TMEM117: variants seen among roughly 807,000 people sequenced by gnomAD.
The protein encoded by TMEM117 is transmembrane protein 117.
A neutral mutation model predicts 52.4 loss-of-function variants in TMEM117; 27 were observed. The observed-to-expected ratio is 0.51, with a 90% confidence interval of 0.38 to 0.71. TMEM117 has a LOEUF of 0.71. Among genes scored for constraint, TMEM117 ranks in the 30% least tolerant of loss-of-function variants. TMEM117 has a pLI of 0.00. For missense variants in TMEM117, 556 were observed against 630.5 expected, an observed-to-expected ratio of 0.88 and a Z score of 1.26; for synonymous variants, 215 against 206.3, an observed-to-expected ratio of 1.04 and a Z score of -0.36.
chr12:44,269,642 T>C (rs1367563920), intron 5 of TMEM117, among the ~76,000 whole-genome samples: 2 of 152,096 alleles, frequency 1.3e-5, no homozygotes, highest in African/African-American at 2.4e-5. Context: ...ATTGGAATTA[T>C]GATTACCTTC....
At chr12:44,307,311 TAGAA>T (rs1950915567) in intron 6 of TMEM117, among the ~76,000 whole-genome samples, 1 of 152,218 alleles carries the variant, frequency 6.6e-6, no homozygotes, top group African/African-American at 2.4e-5. Flanking sequence ...ACAGGCTACT[TAGAA>T]AGAAAGATTT....
At chr12:44,158,439 C>T (rs551143907) in intron 4 of TMEM117, among the ~76,000 whole-genome samples, 1 of 152,240 alleles carries the variant, frequency 6.6e-6, no homozygotes, top group South Asian at 2.1e-4. Context: ...CAGTCCTGTT[C>T]CTTTGTCAAC....
intron 4 of TMEM117, among the ~76,000 whole-genome samples, chr12:44,160,292 T>TAC (rs531611669): frequency 0.01 from 1,528 of 152,136 alleles, 9 homozygotes; most frequent in African/African-American, 0.016. Context: ...TATATATATA[T>TAC]ACACACACAC....
At chr12:44,228,029 A>AGG (rs1949885494) in intron 5 of TMEM117, among the ~76,000 whole-genome samples, 1 of 141,044 alleles carries the variant, frequency 7.1e-6, no homozygotes, top group Admixed American at 7.0e-5. Flanking sequence ...GGTTAAGGGT[A>AGG]GGGTGGGTTT....
At chr12:44,163,951 A>G (rs1169139673) in intron 4 of TMEM117, among the ~76,000 whole-genome samples, 1 of 152,148 alleles carries the variant, frequency 6.6e-6, no homozygotes, top group Non-Finnish European at 1.5e-5. Flanking sequence ...TATATTGGCA[A>G]AACCTCTTTT....
chr12:44,056,544 G>A (rs1237177864), intron 3 of TMEM117, among the ~76,000 whole-genome samples: 1 of 151,946 alleles, frequency 6.6e-6, no homozygotes. Context: ...AGTAATTATG[G>A]GTGTTAGAAT....
chr12:43,838,783 C>T (rs1292244849), intron 1 of TMEM117, among the ~76,000 whole-genome samples: 1 of 151,898 alleles, frequency 6.6e-6, no homozygotes, highest in Non-Finnish European at 1.5e-5. Flanking sequence ...TTTCTGTCAG[C>T]TGGTAGCTTT....
chr12:44,272,677 T>C (rs1237346575), intron 5 of TMEM117, among the ~76,000 whole-genome samples: 1 of 152,110 alleles, frequency 6.6e-6, no homozygotes, highest in Admixed American at 6.5e-5. Flanking sequence ...TGAGATACCA[T>C]CTCACACCAG....
At chr12:44,173,384 CTTA>C (rs1949075761) in intron 4 of TMEM117, among the ~76,000 whole-genome samples, 2 of 152,066 alleles carry the variant, frequency 1.3e-5, no homozygotes, top group Non-Finnish European at 2.9e-5. Context: ...GCAACCTGTT[CTTA>C]TTTTATTAAT....
chr12:44,205,958 TG>T (rs1244755494), intron 4 of TMEM117, among the ~76,000 whole-genome samples: 2 of 152,074 alleles, frequency 1.3e-5, no homozygotes, highest in Non-Finnish European at 2.9e-5. Context: ...CCAGAGAAGC[TG>T]AAGGAATTAA....
chr12:43,937,470 TG>T (rs1944970609), intron 2 of TMEM117, among the ~76,000 whole-genome samples: 2 of 152,246 alleles, frequency 1.3e-5, no homozygotes, highest in Middle Eastern at 3.4e-3. Context: ...ACATCAGAGT[TG>T]GGTGTTTGCT....
At chr12:44,293,762 A>T (rs182127012) in intron 5 of TMEM117, among the ~76,000 whole-genome samples, 49 of 152,236 alleles carry the variant, frequency 3.2e-4, no homozygotes, top group African/African-American at 9.1e-4. Context: ...TATATCTTTA[A>T]CAAACTAGTG....
intron 4 of TMEM117, among the ~76,000 whole-genome samples, chr12:44,202,137 G>A (rs12308564): frequency 0.02 from 2,980 of 152,046 alleles, 55 homozygotes; most frequent in South Asian, 0.053. Context: ...GAAGACAAAA[G>A]GGGAGGAAGC....
chr12:44,244,510 A>C (rs970849579), intron 5 of TMEM117: 1 of 151,952 alleles, frequency 6.6e-6, no homozygotes, highest in Non-Finnish European at 1.5e-5. Flanking sequence ...TTTTGGATAA[A>C]TGTCTGTTCA....
chr12:43,879,278 A>G (rs1483245092), intron 2 of TMEM117, among the ~76,000 whole-genome samples: 2 of 152,236 alleles, frequency 1.3e-5, no homozygotes, highest in East Asian at 3.8e-4. Flanking sequence ...TCATCAAAAC[A>G]GTTTAAAGCA....
At chr12:43,882,460 C>CAA (rs57833998) in intron 2 of TMEM117, among the ~76,000 whole-genome samples, 79,276 of 116,880 alleles carry the variant, frequency 0.68, 29,057 homozygotes, top group East Asian at 0.83. Flanking sequence ...AACTTCATCT[C>CAA]AAAAAAAAAA....
chr12:44,337,641 G>T (rs1592702810), intron 6 of TMEM117, among the ~76,000 whole-genome samples: 1 of 152,002 alleles, frequency 6.6e-6, no homozygotes, highest in East Asian at 1.9e-4. Flanking sequence ...ACAGCTGTGA[G>T]AGGAAAATAA....
intron 3 of TMEM117, among the ~76,000 whole-genome samples, chr12:44,002,530 T>C (rs1473943577): frequency 6.6e-6 from 1 of 152,160 alleles, no homozygotes; most frequent in Non-Finnish European, 1.5e-5. Flanking sequence ...ATTGCCTAGC[T>C]CTTCCTCCCT....
intron 5 of TMEM117, among the ~76,000 whole-genome samples, chr12:44,230,743 G>C (rs1007543023): frequency 6.6e-6 from 1 of 151,918 alleles, no homozygotes; most frequent in Admixed American, 6.6e-5. Context: ...GATATTATGC[G>C]TCTTTTTTCT....
Sources: allele counts gnomAD v4.1 joint callset (sites outside exome capture counted in the v4.1 genomes callset), GRCh38; gene constraint gnomAD v4.1.1; transcripts MANE v1.5; gene names NCBI Gene and HGNC (gene_info 2026-07-23, HGNC 2026-07-21).